GALNT2: variants seen among roughly 807,000 people sequenced by gnomAD.
GALNT2 encodes the protein UDP-GalNAc:polypeptide N-acetylgalactosaminyltransferase 2.
In GALNT2, 31 loss-of-function variants were observed where a neutral mutation model predicts 81.4. The observed-to-expected ratio is 0.38, with a 90% CI of 0.29 to 0.51. The LOEUF is 0.51. Among genes scored for constraint, GALNT2 ranks in the 20% least tolerant of loss-of-function variants. The pLI is 0.87. For missense variants in GALNT2, 629 were observed against 765.7 expected (o/e 0.82, Z 2.11); for synonymous variants, 303 against 287.4 (o/e 1.05, Z -0.55).
intron 1 of GALNT2, among the ~76,000 whole-genome samples, chr1:230,105,466 G>T (rs1158915763): frequency 6.6e-6 from 1 of 152,158 alleles, no homozygotes; most frequent in Non-Finnish European, 1.5e-5. Context: ...GGTGTTTCAG[G>T]GTTTCATTGA....
chr1:230,225,526 A>G (rs1664678953), intron 3 of GALNT2, among the ~76,000 whole-genome samples: 1 of 152,148 alleles, frequency 6.6e-6, no homozygotes, highest in African/African-American at 2.4e-5. Flanking sequence ...CCAGTGGCTT[A>G]GGCTTGACTC....
chr1:230,097,634 C>T (rs1019256363), intron 1 of GALNT2, among the ~76,000 whole-genome samples: 2 of 152,160 alleles, frequency 1.3e-5, no homozygotes, highest in Non-Finnish European at 2.9e-5. Context: ...TACATGTGCA[C>T]ATTTTGTATA....
chr1:230,080,185 A>G (rs1262822932), intron 1 of GALNT2, among the ~76,000 whole-genome samples: 3 of 152,172 alleles, frequency 2.0e-5, no homozygotes, highest in Non-Finnish European at 2.9e-5. Context: ...TTGGTGATCT[A>G]ATTTTTTTAT....
At position 230,262,916 on chromosome 1, in the gene GALNT2, C is replaced by T; in HGVS notation, c.1230-6C>T. On this transcript the variant is annotated splice_polypyrimidine_tract_variant and splice_region_variant and intron_variant, in intron 12 of 15. Transcript: ENST00000366672. ...TATAAAGGAATCTTATTTCCCTCTT[C>T]TCCAGTATTCAGAGCAGATTGGAGC... is the stretch of plus-strand genomic sequence containing the variant. 6.2e-7 allele frequency: 1 copy of T among 1,612,334 alleles called. No homozygotes were observed. The highest frequency in any genetic ancestry group is 8.5e-7 in the Non-Finnish European group (1 of 1,178,584).
At chr1:230,075,939 G>A (rs780910714) in intron 1 of GALNT2, among the ~76,000 whole-genome samples, 11 of 152,002 alleles carry the variant, frequency 7.2e-5, no homozygotes, top group South Asian at 2.1e-4. Context: ...CCTCTTTTTC[G>A]GTGATCTCTC....
chr1:230,168,874 A>G (rs150494407), intron 1 of GALNT2, among the ~76,000 whole-genome samples: 63 of 152,310 alleles, frequency 4.1e-4, no homozygotes, highest in African/African-American at 1.5e-3. Flanking sequence ...CAGATTTTTT[A>G]CAACATCCCC....
chr1:230,171,373 G>C (rs897790874), intron 1 of GALNT2, among the ~76,000 whole-genome samples: 25 of 152,160 alleles, frequency 1.6e-4, no homozygotes, highest in African/African-American at 5.8e-4. Context: ...AAAATTTCTG[G>C]CAACCTGTTT....
At chr1:230,196,527 A>G (rs1168649616) in intron 2 of GALNT2, among the ~76,000 whole-genome samples, 1 of 152,206 alleles carries the variant, frequency 6.6e-6, no homozygotes, top group South Asian at 2.1e-4. Context: ...GGTCACCCAT[A>G]CATTCCTCAG....
At chr1:230,245,709 A>C (rs951444095) in intron 7 of GALNT2, among the ~76,000 whole-genome samples, 3 of 152,218 alleles carry the variant, frequency 2.0e-5, no homozygotes, top group African/African-American at 7.2e-5. Flanking sequence ...GTATTTGGGC[A>C]AACAGAAAAG....
chr1:230,074,246 C>T (rs552975000), intron 1 of GALNT2, among the ~76,000 whole-genome samples: 50 of 152,234 alleles, frequency 3.3e-4, no homozygotes, highest in African/African-American at 1.2e-3. Context: ...GCATGTGTCA[C>T]CACAGCAGGC....
At chr1:230,173,930 A>G (rs960140524) in intron 1 of GALNT2, among the ~76,000 whole-genome samples, 9 of 151,994 alleles carry the variant, frequency 5.9e-5, no homozygotes, top group Non-Finnish European at 4.4e-5. Context: ...TGCATTTATT[A>G]TTGAGCAACT....
In GALNT2 at chr1:230,118,894, C is replaced by T. The variant is rs6661078; in HGVS notation, c.126+51488C>T. On this transcript the variant is annotated intron_variant, in intron 1 of 15. Transcript: ENST00000366672. ...TATAATGAACTCTGCCTGCCCCTCACCCTGCCTTTATCCGATCAGCCTATG... is the reference window on the plus strand; with the variant it reads ...TATAATGAACTCTGCCTGCCCCTCATCCTGCCTTTATCCGATCAGCCTATG... Among the ~76,000 whole-genome samples, 573 of 152,322 alleles carry T rather than the reference C, an allele frequency of 3.8e-3. 3 individuals are homozygous for T. The highest frequency in any genetic ancestry group is 0.013 in the African/African-American group (557 of 41,562).
intron 1 of GALNT2, among the ~76,000 whole-genome samples, chr1:230,172,874 C>T (rs1291247053): frequency 6.6e-6 from 1 of 152,142 alleles, no homozygotes; most frequent in African/African-American, 2.4e-5. Context: ...ATTTAGATGT[C>T]ATTGCTATTT....
At chr1:230,204,063 G>C (rs1663986890) in intron 3 of GALNT2, among the ~76,000 whole-genome samples, 1 of 152,052 alleles carries the variant, frequency 6.6e-6, no homozygotes, top group Non-Finnish European at 1.5e-5. Flanking sequence ...GGCTGGTTTT[G>C]AACTCCTGGC....
chr1:230,203,073 GTC>G (rs1185417251), intron 2 of GALNT2, 62 bp from the exon 3 acceptor site: 1 of 1,536,074 alleles, frequency 6.5e-7, no homozygotes, highest in East Asian at 2.3e-5. Context: ...ACTTACTGCA[GTC>G]TCTGTGATGA....
intron 3 of GALNT2, among the ~76,000 whole-genome samples, chr1:230,204,144 C>T (rs987236047): frequency 6.8e-6 from 1 of 147,654 alleles, no homozygotes; most frequent in Non-Finnish European, 1.5e-5. Flanking sequence ...CTCTCCTGAC[C>T]TCCTTCTTTT....
In GALNT2 at chr1:230,279,255, C is replaced by T. The variant is rs372102965; in HGVS notation, c.1561-48C>T. The T allele has an allele frequency of 2.5e-5, 40 of 1,574,274 alleles. No homozygotes were observed. Among genetic ancestry groups the T allele is most frequent in the Non-Finnish European group, 3.4e-5 (39 of 1,153,698 alleles). On this transcript the variant is annotated intron_variant, in intron 15 of 15. Transcript: ENST00000366672. The surrounding 1 kb of genome is among the most constrained non-coding windows in gnomAD (Gnocchi z 4.6). ...CTGAATTCACACGAATCTGTTTGTA[C>T]TCCTTTGCTTGTGCCCACACTCTAA...
chr1:230,067,202 C>A, upstream of GALNT2: 1 of 922,252 alleles, frequency 1.1e-6, no homozygotes, highest in Non-Finnish European at 1.4e-6. Context: ...CGCTCCTCCC[C>A]CGGCCCCCAC....
chr1:230,085,043 AT>A (rs2102758623), intron 1 of GALNT2, among the ~76,000 whole-genome samples: 1 of 152,232 alleles, frequency 6.6e-6, no homozygotes, highest in Admixed American at 6.5e-5. Context: ...GTGGAGAAAG[AT>A]TGTGCAGTGA....
Sources: allele counts gnomAD v4.1 joint callset (sites outside exome capture counted in the v4.1 genomes callset), GRCh38; gene constraint gnomAD v4.1.1; non-coding constraint Gnocchi (gnomAD v3.1); transcripts MANE v1.5; gene names NCBI Gene and HGNC (gene_info 2026-07-23, HGNC 2026-07-21).